FHAD1: variants seen among roughly 807,000 people sequenced by gnomAD.
The protein encoded by FHAD1 is forkhead-associated domain-containing protein 1.
In FHAD1, 146 loss-of-function variants were observed where a neutral mutation model predicts 191.3. The observed-to-expected ratio is 0.76, with a 90% confidence interval of 0.67 to 0.88. The LOEUF (loss-of-function observed/expected upper bound fraction) is 0.88, where lower values mean the gene tolerates loss of function less well. FHAD1 is among the 40% of genes least tolerant of loss of function. FHAD1 has a pLI of 0.00. For synonymous variants in FHAD1, 616 were observed against 672.3 expected (o/e 0.92, Z 1.29); for missense variants, 1,635 against 1,785.8 (o/e 0.92, Z 1.52).
intron 33 of FHAD1, among the ~76,000 whole-genome samples, chr1:15,395,264 C>A (rs959464403): frequency 6.7e-6 from 1 of 149,092 alleles, no homozygotes; most frequent in South Asian, 2.1e-4. Context: ...GCAGAGATCA[C>A]GCCACTGCAG....
intron 15 of FHAD1, among the ~76,000 whole-genome samples, chr1:15,340,997 C>A (rs1425602312): frequency 6.6e-6 from 1 of 152,032 alleles, no homozygotes; most frequent in Non-Finnish European, 1.5e-5. Flanking sequence ...GCCTGGCCAA[C>A]ATGGTAAAAC....
At chr1:15,326,587 G>C (rs1678699642) in intron 11 of FHAD1, 2 of 153,236 alleles carry the variant, frequency 1.3e-5, no homozygotes, top group African/African-American at 4.8e-5. Flanking sequence ...AGTGGACATA[G>C]TCTTCAGGAC....
At chr1:15,294,876 G>A (rs558997733) in intron 4 of FHAD1, among the ~76,000 whole-genome samples, 2 of 152,044 alleles carry the variant, frequency 1.3e-5, no homozygotes, top group Admixed American at 6.6e-5. Context: ...CCTTCTCCTC[G>A]AACAGGCAGT....
downstream of FHAD1, among the ~76,000 whole-genome samples, chr1:15,398,917 T>A (rs540812100): frequency 6.6e-6 from 1 of 151,826 alleles, no homozygotes; most frequent in Non-Finnish European, 1.5e-5. Context: ...GCCTCCCAGG[T>A]TCAAGCCATT....
Position 15,327,197 on chromosome 1 carries a change from G to A in FHAD1, c.1557+55G>A, listed in dbSNP as rs561741509. On this transcript the variant is annotated intron_variant, in intron 12 of 33. Coordinates refer to ENST00000688493, the MANE Select transcript of FHAD1 (RefSeq NM_001391957.1). The surrounding 1 kb of genome is among the most constrained non-coding windows in gnomAD (Gnocchi z 5.1). The stretch of plus-strand genomic sequence containing the variant: ...CTTCACTTTCCTCTTCTTCTTCTTC[G>A]TGGATCTGGATTCCAGACCCTGGGA... 3.6e-5 allele frequency: 45 copies of A among 1,233,228 alleles called. No homozygotes were observed. In the Middle Eastern group the frequency reaches 9.3e-4, roughly 26 times the overall value. 76.4% of individuals were successfully genotyped at this position (1,233,228 alleles called of 1,614,324 possible). A position where few individuals can be genotyped will look rare whatever the true frequency, so the allele number is the denominator to read the frequency against.
intron 6 of FHAD1, 44 bp from the exon 7 acceptor site, chr1:15,308,569 G>A: frequency 6.5e-7 from 1 of 1,549,068 alleles, no homozygotes; most frequent in Non-Finnish European, 8.7e-7. Context: ...GTGTCTCCCA[G>A]ACGTGGGCCA....
rs543458551 is a variant in FHAD1 at position 15,394,661 on chromosome 1, GA to G, written c.4324-2633del. Among the ~76,000 whole-genome samples, 33 of 152,270 alleles carry G rather than the reference GA, an allele frequency of 2.2e-4. No homozygotes were observed. In the East Asian group the frequency reaches 3.1e-3, roughly 14 times the overall value. On this transcript the variant is annotated intron_variant, in intron 33 of 33. Coordinates refer to ENST00000688493, the MANE Select transcript of FHAD1 (RefSeq NM_001391957.1). ...GATGGTCCTAACAGACTCTTCCATT[GA>G]AATCTTCCCAGAATCTCCTCTGTGC...
chr1:15,390,705 C>T (rs1037578762), intron 32 of FHAD1, among the ~76,000 whole-genome samples: 1 of 152,198 alleles, frequency 6.6e-6, no homozygotes, highest in Non-Finnish European at 1.5e-5. Flanking sequence ...CAACTGTAAA[C>T]CAAACCCCAG....
intron 4 of FHAD1, among the ~76,000 whole-genome samples, chr1:15,293,590 C>A (rs1001119899): frequency 4.6e-5 from 7 of 152,080 alleles, no homozygotes; most frequent in African/African-American, 1.4e-4. Flanking sequence ...TGGTGGCACG[C>A]ACCTGTAATC....
At chr1:15,243,828 T>C (rs1645682707), upstream of FHAD1, among the ~76,000 whole-genome samples, 2 of 152,212 alleles carry the variant, frequency 1.3e-5, no homozygotes, top group South Asian at 4.1e-4. Context: ...TGGCATCTTG[T>C]GATTGTGACA....
rs1674499942 is a variant in FHAD1 at position 15,316,472 on chromosome 1, G to A, written c.1260+5G>A. The stretch of plus-strand genomic sequence containing the variant: ...GAGTTAAAACTCTGCAAAACCGTGA[G>A]TTGAGCTTCCTCCTTTGTAGGTACC... On this transcript the variant is annotated splice_donor_5th_base_variant and intron_variant, in intron 9 of 33. Transcript: ENST00000688493. The surrounding 1 kb of genome is among the most constrained non-coding windows in gnomAD (Gnocchi z 4.3). 6.4e-7 allele frequency: 1 copy of A among 1,551,540 alleles called. No homozygotes were observed. The highest frequency in any genetic ancestry group is 8.7e-7 in the Non-Finnish European group (1 of 1,146,852).
rs778293490 is a variant in FHAD1, at chr1:15,316,034, G to A, written c.1171-344G>A. Among the ~76,000 whole-genome samples, 1 of 152,240 alleles carries A rather than the reference G, an allele frequency of 6.6e-6. No homozygotes were observed. Among genetic ancestry groups the A allele is most frequent in the Non-Finnish European group, 1.5e-5 (1 of 68,038 alleles). ...AGGAGTGAATTGCATGAAGCACTGA[G>A]AGCCGTCCAGGCTCGCTAGTGGCCC... On this transcript the variant is annotated intron_variant, in intron 8 of 33. Transcript: ENST00000688493. This position sits in a 1 kb window ranked among gnomAD's most constrained non-coding sequence, Gnocchi z 4.3.
chr1:15,386,563 G>A (rs1171524451), intron 31 of FHAD1, among the ~76,000 whole-genome samples: 1 of 152,230 alleles, frequency 6.6e-6, no homozygotes, highest in Admixed American at 6.5e-5. Context: ...CCACTGAAAT[G>A]CACTAGCTGC....
chr1:15,317,285 C>T (rs1674773176), intron 9 of FHAD1, among the ~76,000 whole-genome samples: 1 of 152,186 alleles, frequency 6.6e-6, no homozygotes. Context: ...AGGTGTATTC[C>T]TGACGCCCTC....
chr1:15,327,110 C>T lies in FHAD1; in HGVS notation c.1525C>T (p.Pro509Ser). ...CAAGGCCACCTATGGACGGGCGAAG[C>T]CGTTCCGGGACAAGCCCGTCACCGA... ...VIKATYGRAK[P>S]FRDKPVTDQQ... The change falls in exon 12 of 34, where the codon CCG becomes TCG. Residue 509 changes from proline to serine, a missense_variant. Pro to Ser is a moderately conservative substitution (Grantham distance 74). Transcript: ENST00000688493. This position sits in a 1 kb window ranked among gnomAD's most constrained non-coding sequence, Gnocchi z 5.1. The T allele has an allele frequency of 6.4e-7, 1 of 1,551,390 alleles. No individual in the cohort carries two copies. Among genetic ancestry groups the T allele is most frequent in the South Asian group, 1.2e-5 (1 of 84,026 alleles).
intron 2 of FHAD1, among the ~76,000 whole-genome samples, chr1:15,256,979 G>A (rs1053404838): frequency 1.3e-5 from 2 of 152,238 alleles, no homozygotes; most frequent in Non-Finnish European, 2.9e-5. Flanking sequence ...TCAGGGCACA[G>A]GAGTGATCTA....
At chr1:15,278,192 T>C (rs928568655) in intron 3 of FHAD1, among the ~76,000 whole-genome samples, 5 of 152,108 alleles carry the variant, frequency 3.3e-5, no homozygotes, top group African/African-American at 1.2e-4. Context: ...AATGGCAGAG[T>C]TGAGTAGACA....
chr1:15,307,742 T>C (rs909221445), intron 6 of FHAD1, among the ~76,000 whole-genome samples: 5 of 152,028 alleles, frequency 3.3e-5, no homozygotes, highest in African/African-American at 1.2e-4. Flanking sequence ...CTCTTTTTTT[T>C]TTTTTGGAGA....
At position 15,388,235 on chromosome 1, in the gene FHAD1, C is replaced by T. The variant is rs1048488570; in HGVS notation, c.4269+104C>T. ...GCCTGCACGCGCTGCCCAAGGAGCA[C>T]TGCACACCTCCCTCCTTCCCTTCCC... is the stretch of plus-strand genomic sequence containing the variant. On this transcript the variant is annotated intron_variant, in intron 32 of 33. Transcript: ENST00000688493. 195 of 609,676 alleles carry T rather than the reference C, an allele frequency of 3.2e-4. No homozygotes were observed. The Middle Eastern group carries it at 4.1e-3, about 13-fold the overall frequency. 37.8% of individuals were successfully genotyped at this position (609,676 alleles called of 1,614,324 possible). A position where few individuals can be genotyped will look rare whatever the true frequency, so the allele number is the denominator to read the frequency against.
Sources: allele counts gnomAD v4.1 joint callset (sites outside exome capture counted in the v4.1 genomes callset), GRCh38; gene constraint gnomAD v4.1.1; non-coding constraint Gnocchi (gnomAD v3.1); transcripts MANE v1.5; gene names NCBI Gene and HGNC (gene_info 2026-07-23, HGNC 2026-07-21).